The following ACYP2 variants were observed in gnomAD, a reference collection of about 807,000 sequenced individuals.
The protein encoded by ACYP2 is acylphosphatase 2, also known as acylphosphatase-2.
A neutral mutation model predicts 11.2 loss-of-function variants in ACYP2; 12 were observed. The observed-to-expected ratio is 1.08, with a 90% CI of 0.69 to 1.74. ACYP2 has a LOEUF of 1.74. Among genes scored for constraint, ACYP2 ranks in the 40% most tolerant of loss-of-function variants. ACYP2 has a pLI of 0.00. For missense variants in ACYP2, 134 were observed against 101.9 expected (o/e 1.31, Z -1.35); for synonymous variants, 43 against 32.2 (o/e 1.33, Z -1.13).
At chr2:54,083,333 G>A (rs566986134) in intron 4 of ACYP2, among the ~76,000 whole-genome samples, 3 of 152,314 alleles carry the variant, frequency 2.0e-5, no homozygotes, top group African/African-American at 4.8e-5. Context: ...GCCATGTGAA[G>A]CTGACACATT....
chr2:54,158,048 T>TG (rs1425842519), intron 6 of ACYP2, among the ~76,000 whole-genome samples: 1 of 151,936 alleles, frequency 6.6e-6, no homozygotes, highest in Admixed American at 6.6e-5. Flanking sequence ...TTTTTTGAGA[T>TG]GGAGGCTCAC....
At chr2:54,038,324 G>A (rs371231758) in intron 2 of ACYP2, among the ~76,000 whole-genome samples, 68 of 152,024 alleles carry the variant, frequency 4.5e-4, no homozygotes, top group African/African-American at 1.5e-3. Context: ...CCCTTTTCCC[G>A]TCTTCTTTGC....
intron 2 of ACYP2, among the ~76,000 whole-genome samples, chr2:54,038,971 A>T (rs1293536461): frequency 6.6e-6 from 1 of 151,768 alleles, no homozygotes; most frequent in Non-Finnish European, 1.5e-5. Flanking sequence ...TGAGGGAAGG[A>T]GTTGAGTGAG....
In ACYP2 at chr2:54,032,897, C is replaced by T. The variant is rs565886866; in HGVS notation, c.63-18061C>T. On this transcript the variant is annotated intron_variant, in intron 2 of 6. Transcript: ENST00000607452. Reference sequence around the variant, plus strand: ...ATATTGTGAAAATGGCCATACTGCCCGAGGAAAGCATTTCTAAGGAGGGAC... The same window carrying T: ...ATATTGTGAAAATGGCCATACTGCCTGAGGAAAGCATTTCTAAGGAGGGAC... 4.6e-5 allele frequency among the ~76,000 whole-genome samples: 7 copies of T among 152,132 alleles called. No individual in the cohort carries two copies. The South Asian group carries it at 1.0e-3, about 23-fold the overall frequency.
chr2:54,299,282 T>TG (rs1307965468), intron 6 of ACYP2, among the ~76,000 whole-genome samples: 5 of 152,078 alleles, frequency 3.3e-5, no homozygotes, highest in Admixed American at 1.3e-4. Context: ...GGCTCCCAGA[T>TG]GCAATGGTCA....
intron 4 of ACYP2, among the ~76,000 whole-genome samples, chr2:54,115,007 G>A (rs1679669241): frequency 6.6e-6 from 1 of 152,098 alleles, no homozygotes; most frequent in African/African-American, 2.4e-5. Context: ...TTGCTGGGAT[G>A]GAGTGGGGTG....
chr2:54,122,159 A>G (rs1164591647), intron 4 of ACYP2, among the ~76,000 whole-genome samples: 1 of 152,238 alleles, frequency 6.6e-6, no homozygotes, highest in Non-Finnish European at 1.5e-5. Context: ...AAATTGACAC[A>G]TGCAGTCAGA....
At chr2:54,187,012 T>G (rs1253586653) in intron 6 of ACYP2, among the ~76,000 whole-genome samples, 1 of 152,108 alleles carries the variant, frequency 6.6e-6, no homozygotes, top group African/African-American at 2.4e-5. Context: ...AGTTTCAAAT[T>G]AGAATTTTTT....
chr2:54,304,200 C>G (rs2104177301), intron 6 of ACYP2, among the ~76,000 whole-genome samples: 1 of 141,974 alleles, frequency 7.0e-6, no homozygotes. Context: ...GTATGGATCT[C>G]TTTCATTATA....
chr2:54,145,709 T>G (rs535873929), intron 6 of ACYP2, among the ~76,000 whole-genome samples: 17 of 152,330 alleles, frequency 1.1e-4, no homozygotes, highest in African/African-American at 4.1e-4. Flanking sequence ...TATCAATACT[T>G]GACAATATTT....
intron 6 of ACYP2, among the ~76,000 whole-genome samples, chr2:54,213,025 C>T (rs1471872880): frequency 1.3e-5 from 2 of 151,516 alleles, no homozygotes; most frequent in African/African-American, 2.4e-5. Flanking sequence ...GTTTGGTGTA[C>T]ACATTATTTC....
intron 1 of ACYP2, among the ~76,000 whole-genome samples, chr2:53,972,208 G>A (rs1309018760): frequency 6.6e-6 from 1 of 151,266 alleles, no homozygotes; most frequent in Non-Finnish European, 1.5e-5. Context: ...TACTCGGGAG[G>A]CTGAGGCAGG....
intron 6 of ACYP2, among the ~76,000 whole-genome samples, chr2:54,274,847 C>A (rs948333999): frequency 6.6e-6 from 1 of 152,156 alleles, no homozygotes; most frequent in African/African-American, 2.4e-5. Context: ...TGCACGGTTT[C>A]TCCAACATGG....
chr2:54,155,988 T>TA (rs1246418628), intron 6 of ACYP2, among the ~76,000 whole-genome samples: 5 of 152,164 alleles, frequency 3.3e-5, no homozygotes, highest in African/African-American at 1.2e-4. Flanking sequence ...ACATATATAA[T>TA]AAAGGTATAT....
intron 6 of ACYP2, among the ~76,000 whole-genome samples, chr2:54,221,164 A>T (rs55642972): frequency 0.029 from 4,349 of 152,264 alleles, 95 homozygotes; most frequent in Non-Finnish European, 0.042. Context: ...ATCGAACCTG[A>T]GCCCAACCTA....
rs186008776 is a variant in ACYP2 at position 54,001,330 on chromosome 2, C to T, written c.62+27520C>T. ...CACATGTTTGGTGCCTTTGAATAGC[C>T]GCTGCACCCCAGCCTGAACATAGTG... On this transcript the variant is annotated intron_variant, in intron 2 of 6. Coordinates refer to ENST00000607452, the MANE Select transcript of ACYP2 (RefSeq NM_001320586.2). 6.8e-4 allele frequency among the ~76,000 whole-genome samples: 103 copies of T among 152,050 alleles called. 1 individual carries two copies. Among genetic ancestry groups the T allele is most frequent in the Non-Finnish European group, 7.6e-4 (52 of 67,976 alleles).
At chr2:54,046,476 A>G (rs192024553) in intron 2 of ACYP2, among the ~76,000 whole-genome samples, 4 of 147,502 alleles carry the variant, frequency 2.7e-5, no homozygotes, top group Admixed American at 6.8e-5. Context: ...ACAGAGCAAG[A>G]CTGTCTAAAA....
intron 6 of ACYP2, among the ~76,000 whole-genome samples, chr2:54,283,302 A>T (rs1024619540): frequency 1.3e-5 from 2 of 152,202 alleles, no homozygotes; most frequent in Admixed American, 1.3e-4. Context: ...TATACAAATT[A>T]CTCATTGAAC....
chr2:54,211,534 A>G (rs1358743210), intron 6 of ACYP2, among the ~76,000 whole-genome samples: 1 of 152,176 alleles, frequency 6.6e-6, no homozygotes, highest in Non-Finnish European at 1.5e-5. Flanking sequence ...TGGGAAGCTC[A>G]GCTTTGGTGT....
Sources: gnomAD v4.1 joint callset for allele counts (sites outside exome capture counted in the v4.1 genomes callset) on GRCh38, gnomAD v4.1.1 for gene constraint, MANE v1.5 for transcripts, NCBI Gene and HGNC (gene_info 2026-07-23, HGNC 2026-07-21) for gene names.